Variants in FAM13A observed in about 807,000 individuals in gnomAD.
FAM13A encodes the protein protein FAM13A.
FAM13A carries 76 observed loss-of-function variants against 129.6 expected under a neutral mutation model. The ratio of observed to expected loss-of-function variants is 0.59; its 90% confidence interval spans 0.49 to 0.71. The LOEUF (loss-of-function observed/expected upper bound fraction) is 0.71. Ranked by LOEUF, FAM13A falls within the 30% of genes least tolerant of loss-of-function variation. FAM13A has a pLI of 0.00. For missense variants in FAM13A, 1,108 were observed against 1,249.3 expected (o/e 0.89, Z 1.70); for synonymous variants, 443 against 449.9 (o/e 0.98, Z 0.20).
At chr4:88,999,018 C>T (rs1294447913) in intron 3 of FAM13A, among the ~76,000 whole-genome samples, 2 of 152,192 alleles carry the variant, frequency 1.3e-5, no homozygotes, top group East Asian at 1.9e-4. Flanking sequence ...AGTGAAACTA[C>T]GAATCTTATC....
chr4:88,949,824 C>T lies in FAM13A; in HGVS notation c.606-11583G>A, dbSNP rs1756637074. Among the ~76,000 whole-genome samples the T allele has an allele frequency of 3.9e-5, 6 of 152,270 alleles. No individual in the cohort carries two copies. In the South Asian group the frequency reaches 1.2e-3, roughly 32 times the overall value. On this transcript the variant is annotated intron_variant, in intron 4 of 23. Transcript: ENST00000264344. ...TATGTCAGCTTCCACTTTCCCCTCACATTACAGAGTTTATAAACAGTTCCA... is the reference window on the plus strand; with the variant it reads ...TATGTCAGCTTCCACTTTCCCCTCATATTACAGAGTTTATAAACAGTTCCA...
intron 1 of FAM13A, among the ~76,000 whole-genome samples, chr4:89,049,434 A>G (rs80155121): frequency 6.6e-6 from 1 of 152,338 alleles, no homozygotes; most frequent in African/African-American, 2.4e-5. Flanking sequence ...ACCACAGGAA[A>G]AAAAACCTGT....
At chr4:88,908,610 A>C (rs1336337511) in intron 5 of FAM13A, among the ~76,000 whole-genome samples, 1 of 152,208 alleles carries the variant, frequency 6.6e-6, no homozygotes, top group Admixed American at 6.5e-5. Flanking sequence ...AAGACTCTGA[A>C]AGCATTTTTT....
rs112362001 is a variant in FAM13A at position 88,997,496 on chromosome 4, T to C, written c.428-6346A>G. 6.1e-3 allele frequency among the ~76,000 whole-genome samples: 925 copies of C among 152,088 alleles called. 16 individuals carry two copies. Among genetic ancestry groups the C allele is most frequent in the African/African-American group, 0.021 (853 of 41,474 alleles). On this transcript the variant is annotated intron_variant, in intron 3 of 23. Transcript: ENST00000264344. ...CAGCACTCGAAAACTGTACCATAAA[T>C]ACTTTTGTTCCAGGTTAAGCAGCAA...
At chr4:89,008,019 T>G (rs535017839) in intron 3 of FAM13A, among the ~76,000 whole-genome samples, 3 of 152,002 alleles carry the variant, frequency 2.0e-5, no homozygotes, top group African/African-American at 7.2e-5. Flanking sequence ...TTTCATTTAT[T>G]TTAAACTTTT....
At chr4:89,016,710 C>G (rs1217031448) in intron 3 of FAM13A, among the ~76,000 whole-genome samples, 2 of 152,176 alleles carry the variant, frequency 1.3e-5, no homozygotes, top group Admixed American at 1.3e-4. Flanking sequence ...TTATGGCTCA[C>G]TGCAGCCTTG....
At chr4:88,835,594 G>A (rs192269103) in intron 7 of FAM13A, among the ~76,000 whole-genome samples, 7 of 152,148 alleles carry the variant, frequency 4.6e-5, no homozygotes, top group South Asian at 2.1e-4. Flanking sequence ...ATCAGTGGGA[G>A]CCCTGAGTTT....
At chr4:88,800,460 A>G (rs976786754) in intron 8 of FAM13A, among the ~76,000 whole-genome samples, 16 of 152,046 alleles carry the variant, frequency 1.1e-4, no homozygotes, top group Non-Finnish European at 2.4e-4. Flanking sequence ...CGAGGTGGGC[A>G]GATCACTTGA....
At chr4:88,795,228 T>C (rs1260276270) in intron 8 of FAM13A, among the ~76,000 whole-genome samples, 1 of 151,780 alleles carries the variant, frequency 6.6e-6, no homozygotes, top group African/African-American at 2.4e-5. Context: ...ACATACTACA[T>C]GGATATAACT....
At chr4:88,801,076 A>G (rs906806464) in intron 8 of FAM13A, among the ~76,000 whole-genome samples, 1 of 152,194 alleles carries the variant, frequency 6.6e-6, no homozygotes, top group Non-Finnish European at 1.5e-5. Flanking sequence ...TACAAATTCT[A>G]GCATAAGTTG....
chr4:88,977,608 CAATT>C (rs772083687), intron 4 of FAM13A, among the ~76,000 whole-genome samples: 3 of 152,132 alleles, frequency 2.0e-5, no homozygotes, highest in East Asian at 1.9e-4. Flanking sequence ...TTTTTCAAAA[CAATT>C]GATTGCTAAT....
chr4:89,046,469 T>C (rs899223880), intron 1 of FAM13A, among the ~76,000 whole-genome samples: 14 of 151,352 alleles, frequency 9.2e-5, no homozygotes, highest in African/African-American at 3.2e-4. Flanking sequence ...TCTCAGAAGG[T>C]AGTGAAATTC....
intron 1 of FAM13A, among the ~76,000 whole-genome samples, chr4:89,032,415 C>T (rs1464382144): frequency 6.6e-6 from 1 of 151,980 alleles, no homozygotes; most frequent in Non-Finnish European, 1.5e-5. Flanking sequence ...AATATAGGTT[C>T]CCACATAACA....
At chr4:88,841,493 CA>C (rs35396785) in intron 7 of FAM13A, among the ~76,000 whole-genome samples, 23,151 of 96,164 alleles carry the variant, frequency 0.24, 1,096 homozygotes, top group South Asian at 0.44. Context: ...GACTCTGTCT[CA>C]AAAAAAAAAA....
At chr4:89,029,269 T>G (rs1345131005) in intron 2 of FAM13A, among the ~76,000 whole-genome samples, 191 bp downstream of exon 2, 1 of 152,224 alleles carries the variant, frequency 6.6e-6, no homozygotes, top group African/African-American at 2.4e-5. Context: ...TTAATCAAAT[T>G]AGTACTGTCA....
At chr4:89,046,304 CAAAAG>C (rs1237556215) in intron 1 of FAM13A, among the ~76,000 whole-genome samples, 4 of 152,096 alleles carry the variant, frequency 2.6e-5, no homozygotes, top group African/African-American at 9.7e-5. Flanking sequence ...CAGTTATACT[CAAAAG>C]AGAAGATTTG....
At chr4:88,763,081 T>A (rs887306024) in intron 13 of FAM13A, among the ~76,000 whole-genome samples, 2 of 152,198 alleles carry the variant, frequency 1.3e-5, no homozygotes, top group Admixed American at 1.3e-4. Context: ...GACTCATGTT[T>A]AGATACTAGC....
chr4:88,951,277 T>C (rs1756908397), intron 4 of FAM13A, among the ~76,000 whole-genome samples: 1 of 152,216 alleles, frequency 6.6e-6, no homozygotes, highest in African/African-American at 2.4e-5. Context: ...CTGATGACTT[T>C]AGAACTCCAG....
chr4:88,769,330 C>T (rs941381720), intron 11 of FAM13A, among the ~76,000 whole-genome samples: 2 of 152,070 alleles, frequency 1.3e-5, no homozygotes, highest in African/African-American at 4.8e-5. Flanking sequence ...CCCTGGGCTC[C>T]ATTAAAGAAT....
Sources: gnomAD v4.1 joint callset for allele counts (sites outside exome capture counted in the v4.1 genomes callset) on GRCh38, gnomAD v4.1.1 for gene constraint, MANE v1.5 for transcripts, NCBI Gene and HGNC (gene_info 2026-07-23, HGNC 2026-07-21) for gene names.